Variants in AGFG1 observed in about 807,000 individuals in gnomAD.
AGFG1 encodes the protein arf-GAP domain and FG repeat-containing protein 1.
Under a neutral mutation model 60.6 loss-of-function variants are expected in AGFG1, and 10 were observed. The observed-to-expected ratio is 0.16, with a 90% CI of 0.10 to 0.28. The LOEUF (loss-of-function observed/expected upper bound fraction) is 0.28. Among genes scored for constraint, AGFG1 ranks in the 10% least tolerant of loss-of-function variants. AGFG1 has a pLI of 1.00. For missense variants in AGFG1, 537 were observed against 676.5 expected (o/e 0.79, Z 2.29); for synonymous variants, 247 against 242.9 (o/e 1.02, Z -0.16).
chr2:227,484,494 G>A (rs1449911397), intron 1 of AGFG1, among the ~76,000 whole-genome samples: 1 of 151,952 alleles, frequency 6.6e-6, no homozygotes, highest in Non-Finnish European at 1.5e-5. Flanking sequence ...AAGTGTTATT[G>A]TTGGTAAACA....
At chr2:227,473,872 G>A (rs561903532) in intron 1 of AGFG1, among the ~76,000 whole-genome samples, 35 of 152,108 alleles carry the variant, frequency 2.3e-4, no homozygotes, top group African/African-American at 8.2e-4. Flanking sequence ...ATTTTTTTTG[G>A]TGCCTATTAG....
intron 2 of AGFG1, among the ~76,000 whole-genome samples, chr2:227,496,457 A>AT (rs59484818): frequency 2.0e-5 from 3 of 151,668 alleles, no homozygotes; most frequent in Non-Finnish European, 4.4e-5. Flanking sequence ...AAAAAAATAA[A>AT]TAAAATAGCC....
chr2:227,511,505 G>C (rs1691497603), intron 2 of AGFG1, among the ~76,000 whole-genome samples: 1 of 152,138 alleles, frequency 6.6e-6, no homozygotes, highest in Non-Finnish European at 1.5e-5. Context: ...ACACACATAG[G>C]CCCCAGATTT....
intron 1 of AGFG1, among the ~76,000 whole-genome samples, chr2:227,489,974 C>G (rs978207550): frequency 6.6e-6 from 1 of 151,994 alleles, no homozygotes; most frequent in Non-Finnish European, 1.5e-5. Flanking sequence ...TGCCACCACG[C>G]CCAGCTTATT....
At chr2:227,553,108 G>C (rs1692870503) in intron 11 of AGFG1, among the ~76,000 whole-genome samples, 1 of 151,246 alleles carries the variant, frequency 6.6e-6, no homozygotes, top group Admixed American at 6.6e-5. Context: ...TCATTGTGTT[G>C]TCTGCACAGC....
At chr2:227,479,046 ACTCT>A (rs1177741128) in intron 1 of AGFG1, among the ~76,000 whole-genome samples, 9 of 152,296 alleles carry the variant, frequency 5.9e-5, no homozygotes, top group Non-Finnish European at 1.0e-4. Context: ...CATAAAACTC[ACTCT>A]CTCCTGAGAG....
rs1195245458 is a variant in AGFG1, at chr2:227,524,771, G to A, written c.550G>A (p.Val184Ile). 6.2e-7 allele frequency: 1 copy of A among 1,614,020 alleles called. No homozygotes were observed. The highest frequency in any genetic ancestry group is 1.3e-5 in the African/African-American group (1 of 74,934). ...NKGTPSQSPVVGRSQGQQQEK... is the reference protein window; with the variant it reads ...NKGTPSQSPVIGRSQGQQQEK... ...AATATGTGGTTTGTAGTCCCCAGTT[G>A]TAGGTCGTTCTCAAGGGCAGCAGCA... Residue 184 changes from valine (V) to isoleucine (I), a missense_variant, in exon 5 of 13, where the codon GTA becomes ATA. By Grantham distance (29) the Val-to-Ile change is conservative. Transcript: ENST00000310078.
At chr2:227,481,721 A>G (rs558944964) in intron 1 of AGFG1, among the ~76,000 whole-genome samples, 1 of 152,314 alleles carries the variant, frequency 6.6e-6, no homozygotes, top group South Asian at 2.1e-4. Flanking sequence ...TACACAAGAT[A>G]GGAGTTTTGA....
rs1471433121 is a variant in AGFG1, at chr2:227,558,197, A to T, written c.*3702A>T. 6.6e-6 allele frequency: 1 copy of T among 152,222 alleles called. No homozygotes were observed. Among genetic ancestry groups the T allele is most frequent in the Non-Finnish European group, 1.5e-5 (1 of 68,024 alleles). 9.4% of individuals were successfully genotyped at this position (152,222 alleles called of 1,614,324 possible). On this transcript the variant is annotated 3_prime_UTR_variant, in exon 13 of 13. Coordinates refer to ENST00000310078, the MANE Select transcript of AGFG1 (RefSeq NM_004504.5). ...TTAGGATGAAAGAAGCAAAGCATAG[A>T]GAGGTTAAGCTAGTGGCAGCTTTTT...
At chr2:227,526,729 AGAT>A (rs1692007427) in intron 5 of AGFG1, among the ~76,000 whole-genome samples, 1 of 150,332 alleles carries the variant, frequency 6.7e-6, no homozygotes, top group Non-Finnish European at 1.5e-5. Flanking sequence ...TTTTTAGTAA[AGAT>A]GGGGTTTCAC....
At chr2:227,544,171 TTGAGACGGAGTCTC>T (rs1692574832) in intron 10 of AGFG1, among the ~76,000 whole-genome samples, 1 of 84,198 alleles carries the variant, frequency 1.2e-5, no homozygotes, top group African/African-American at 4.2e-5. Flanking sequence ...TTTTTTTTTT[TTGAGACGGAGTCTC>T]GCTTTGTCAC....
At chr2:227,517,431 A>G (rs1691686629) in intron 2 of AGFG1, among the ~76,000 whole-genome samples, 1 of 151,892 alleles carries the variant, frequency 6.6e-6, no homozygotes. Context: ...ATGCCCAGCT[A>G]TTTGTTTTTT....
chr2:227,555,876 A>AC lies in AGFG1; in HGVS notation c.*1381_*1382insC, dbSNP rs1201995503. 2 of 152,080 alleles carry AC rather than the reference A, an allele frequency of 1.3e-5. No individual in the cohort carries two copies. The highest frequency in any genetic ancestry group is 3.8e-4 in the East Asian group (2 of 5,196). The allele number at this position is 152,080 out of a possible 1,614,324, so 9.4% of individuals were successfully genotyped here. On this transcript the variant is annotated 3_prime_UTR_variant, in exon 13 of 13. Coordinates refer to ENST00000310078, the MANE Select transcript of AGFG1 (RefSeq NM_004504.5). ...AAAGTCTGTGTGTTAGAGCTTATGC[A>AC]TTTGTTTTTATGAGAGATTTTAATA...
chr2:227,482,682 T>C (rs994867099), intron 1 of AGFG1, among the ~76,000 whole-genome samples: 1 of 152,236 alleles, frequency 6.6e-6, no homozygotes, highest in African/African-American at 2.4e-5. Flanking sequence ...CTAAATAAGC[T>C]TTCCTACTTA....
chr2:227,506,940 G>A (rs368571156), intron 2 of AGFG1, among the ~76,000 whole-genome samples: 2 of 152,028 alleles, frequency 1.3e-5, no homozygotes, highest in African/African-American at 4.8e-5. Flanking sequence ...TAAGATTCAG[G>A]CTTAATTTCA....
intron 10 of AGFG1, among the ~76,000 whole-genome samples, chr2:227,546,910 C>T (rs1692666200): frequency 6.6e-6 from 1 of 152,108 alleles, no homozygotes; most frequent in Non-Finnish European, 1.5e-5. Flanking sequence ...AAGGTACTTA[C>T]CAAAATGCAG....
intron 2 of AGFG1, among the ~76,000 whole-genome samples, chr2:227,507,001 A>G (rs4075128): frequency 0.48 from 72,862 of 151,890 alleles, 18,317 homozygotes; most frequent in South Asian, 0.64. Context: ...TTTTTTAATC[A>G]AAAACCACTT....
intron 7 of AGFG1, among the ~76,000 whole-genome samples, chr2:227,534,461 T>C (rs1231905106): frequency 6.6e-6 from 1 of 152,194 alleles, no homozygotes; most frequent in Admixed American, 6.6e-5. Context: ...TGGAGAATGC[T>C]GGGGAAATGA....
At chr2:227,547,920 C>T (rs927338589) in intron 10 of AGFG1, among the ~76,000 whole-genome samples, 4 of 152,138 alleles carry the variant, frequency 2.6e-5, no homozygotes, top group Admixed American at 6.5e-5. Context: ...TATTTATCAT[C>T]GCTAAGAAGT....
Sources: allele counts gnomAD v4.1 joint callset (sites outside exome capture counted in the v4.1 genomes callset), GRCh38; gene constraint gnomAD v4.1.1; transcripts MANE v1.5; gene names NCBI Gene and HGNC (gene_info 2026-07-23, HGNC 2026-07-21).